DAB1: variants seen among roughly 807,000 people sequenced by gnomAD.
DAB1 encodes the protein DAB adaptor protein 1, also known as disabled homolog 1.
In DAB1, 15 loss-of-function variants were observed where a neutral mutation model predicts 64.6. That is an observed-to-expected ratio of 0.23 (90% CI 0.16 to 0.36). The LOEUF (loss-of-function observed/expected upper bound fraction) is 0.36. DAB1 is among the 10% of genes least tolerant of loss of function. The pLI is 1.00. For missense variants in DAB1, 596 were observed against 706.7 expected (o/e 0.84, Z 1.78); for synonymous variants, 235 against 251.9 (o/e 0.93, Z 0.64).
chr1:57,067,467 A>C (rs1369425405), intron 8 of DAB1, among the ~76,000 whole-genome samples: 1 of 152,204 alleles, frequency 6.6e-6, no homozygotes, highest in Non-Finnish European at 1.5e-5. Context: ...GGTGGGAATA[A>C]TGATTCAAGC....
chr1:57,993,463 T>C (rs572487082), intron 5 of DAB1, among the ~76,000 whole-genome samples: 33 of 152,148 alleles, frequency 2.2e-4, no homozygotes, highest in Non-Finnish European at 4.6e-4. Context: ...TGGATGGTGT[T>C]ATTCATTTCT....
chr1:57,336,769 T>C lies in DAB1; in HGVS notation c.-136-45603A>G, dbSNP rs548600207. Among the ~76,000 whole-genome samples, 172 of 152,340 alleles carry C rather than the reference T, an allele frequency of 1.1e-3. 2 individuals carry two copies. The highest frequency in any genetic ancestry group is 3.8e-3 in the African/African-American group (159 of 41,580). ...TGTCTACCCTGTTGATTACAGTAATTGTCCTAAGCAATCTGTATTTGTTAT... is the reference window on the plus strand; with the variant it reads ...TGTCTACCCTGTTGATTACAGTAATCGTCCTAAGCAATCTGTATTTGTTAT... On this transcript the variant is annotated intron_variant, in intron 1 of 14. Transcript: ENST00000371236.
At chr1:58,338,869 C>A (rs998720266) in intron 4 of DAB1, among the ~76,000 whole-genome samples, 9 of 152,042 alleles carry the variant, frequency 5.9e-5, no homozygotes, top group South Asian at 2.1e-4. Context: ...CATAGATGAG[C>A]CTTGAACATA....
chr1:57,659,467 TG>T (rs1014584991), intron 6 of DAB1, among the ~76,000 whole-genome samples: 3 of 152,088 alleles, frequency 2.0e-5, no homozygotes, highest in Admixed American at 6.5e-5. Context: ...CAGGAGCAGC[TG>T]GGGTTTGTGG....
chr1:58,512,097 T>C (rs558141691), intron 2 of DAB1, among the ~76,000 whole-genome samples: 2 of 152,274 alleles, frequency 1.3e-5, no homozygotes, highest in South Asian at 2.1e-4. Flanking sequence ...AGGATCTCAA[T>C]AGACATTTCT....
At chr1:57,138,264 C>T (rs1241025894) in intron 3 of DAB1, among the ~76,000 whole-genome samples, 2 of 152,060 alleles carry the variant, frequency 1.3e-5, no homozygotes, top group African/African-American at 2.4e-5. Flanking sequence ...CTAATAGATC[C>T]AACTTTCTCA....
chr1:57,337,592 C>T (rs916769317), intron 1 of DAB1, among the ~76,000 whole-genome samples: 2 of 152,206 alleles, frequency 1.3e-5, no homozygotes, highest in Admixed American at 6.5e-5. Flanking sequence ...ATAATGTACC[C>T]TGTAATTTAC....
At chr1:57,378,399 G>A (rs532882271) in intron 1 of DAB1, among the ~76,000 whole-genome samples, 2 of 152,286 alleles carry the variant, frequency 1.3e-5, no homozygotes, top group South Asian at 2.1e-4. Context: ...TAGGGTTGAC[G>A]AGCTAGTTTT....
chr1:58,462,178 C>G (rs1348357605), intron 3 of DAB1, among the ~76,000 whole-genome samples: 1 of 140,848 alleles, frequency 7.1e-6, no homozygotes, highest in Non-Finnish European at 1.5e-5. Context: ...GGACTGCGGA[C>G]TGCAGTGGCG....
chr1:57,056,949 C>T (rs1166485244), intron 9 of DAB1, among the ~76,000 whole-genome samples: 3 of 151,902 alleles, frequency 2.0e-5, no homozygotes, highest in Non-Finnish European at 2.9e-5. Flanking sequence ...CAGAAAATAA[C>T]ATTTTAACTG....
chr1:57,966,118 T>C (rs1303427013), intron 5 of DAB1, among the ~76,000 whole-genome samples: 2 of 152,176 alleles, frequency 1.3e-5, no homozygotes, highest in Admixed American at 6.6e-5. Flanking sequence ...TTATATAAAG[T>C]AATGGGTTAG....
intron 3 of DAB1, among the ~76,000 whole-genome samples, chr1:58,369,608 T>C (rs564133210): frequency 6.6e-6 from 1 of 152,372 alleles, no homozygotes; most frequent in Non-Finnish European, 1.5e-5. Context: ...GCCACATGCC[T>C]AGCATGGGCA....
chr1:57,595,536 A>C (rs904461568), intron 7 of DAB1, among the ~76,000 whole-genome samples: 1 of 152,112 alleles, frequency 6.6e-6, no homozygotes, highest in African/African-American at 2.4e-5. Context: ...CCAGGGTCAC[A>C]CTTGAAATGA....
intron 5 of DAB1, among the ~76,000 whole-genome samples, chr1:58,070,797 G>C (rs578120777): frequency 1.3e-5 from 2 of 152,332 alleles, no homozygotes; most frequent in South Asian, 2.1e-4. Context: ...TCACAGTCAG[G>C]CTGGAACATG....
intron 1 of DAB1, among the ~76,000 whole-genome samples, chr1:57,864,229 A>G (rs1654192225): frequency 6.6e-6 from 1 of 152,146 alleles, no homozygotes; most frequent in Admixed American, 6.5e-5. Flanking sequence ...TGGAGAAGAA[A>G]CACAAGGCCT....
intron 2 of DAB1, among the ~76,000 whole-genome samples, chr1:57,267,185 G>A (rs1570107204): frequency 6.6e-6 from 1 of 152,044 alleles, no homozygotes; most frequent in African/African-American, 2.4e-5. Context: ...TGAAGGCAGA[G>A]CAGAAAGAGA....
intron 4 of DAB1, among the ~76,000 whole-genome samples, chr1:58,255,436 C>G (rs1660907279): frequency 6.6e-6 from 1 of 151,614 alleles, no homozygotes; most frequent in Non-Finnish European, 1.5e-5. Flanking sequence ...TTCTCTCTCT[C>G]TCTCTCTCTC....
At chr1:57,642,995 T>C (rs2101644917) in intron 7 of DAB1, among the ~76,000 whole-genome samples, 1 of 152,266 alleles carries the variant, frequency 6.6e-6, no homozygotes, top group Non-Finnish European at 1.5e-5. Context: ...AGGCAGGATG[T>C]GTGTTGAGGG....
rs1185574637 is a variant in DAB1 at position 58,533,851 on chromosome 1, A to G, written n.33-6516T>C. 29 of 744,002 alleles carry G rather than the reference A, an allele frequency of 3.9e-5. No homozygotes were observed. The South Asian group carries it at 4.2e-4, about 11-fold the overall frequency. The allele number at this position is 744,002 out of a possible 1,614,324, so 46.1% of individuals were successfully genotyped here. A position where few individuals can be genotyped will look rare whatever the true frequency, so the allele number is the denominator to read the frequency against. On this transcript the variant is annotated intron_variant and non_coding_transcript_variant, in intron 1 of 20. Coordinates refer to the DAB1 transcript ENST00000485760. The stretch of plus-strand genomic sequence containing the variant: ...GGCAATTACCCAAAACTAAAAGTCT[A>G]TCATTTTTAAAAAACCTGAAAAAAA...
Sources: gnomAD v4.1 joint callset for allele counts (sites outside exome capture counted in the v4.1 genomes callset) on GRCh38, gnomAD v4.1.1 for gene constraint, MANE v1.5 for transcripts, NCBI Gene and HGNC (gene_info 2026-07-23, HGNC 2026-07-21) for gene names.